LUZP2: variants seen among roughly 807,000 people sequenced by gnomAD.
LUZP2 encodes the protein leucine zipper protein 2.
LUZP2 carries 52 observed loss-of-function variants against 51.6 expected under a neutral mutation model. The observed-to-expected ratio is 1.01, with a 90% CI of 0.81 to 1.27. The LOEUF is 1.27. Ranked by LOEUF, LUZP2 falls within the 50% of genes most tolerant of loss-of-function variation. The pLI is 0.00. For synonymous variants in LUZP2, 154 were observed against 137.3 expected (o/e 1.12, Z -0.85); for missense variants, 436 against 395.4 (o/e 1.10, Z -0.87).
At chr11:24,645,715 T>G (rs543486700) in intron 1 of LUZP2, among the ~76,000 whole-genome samples, 1 of 152,240 alleles carries the variant, frequency 6.6e-6, no homozygotes, top group East Asian at 1.9e-4. Flanking sequence ...TTGTCCATTT[T>G]CAGTTTCAAT....
intron 1 of LUZP2, among the ~76,000 whole-genome samples, chr11:24,702,740 C>T (rs1857453946): frequency 6.6e-6 from 1 of 152,158 alleles, no homozygotes; most frequent in East Asian, 1.9e-4. Flanking sequence ...GACAACCATT[C>T]AAATCATATC....
At chr11:24,997,703 G>C (rs1003813425) in intron 9 of LUZP2, among the ~76,000 whole-genome samples, 1 of 152,060 alleles carries the variant, frequency 6.6e-6, no homozygotes, top group African/African-American at 2.4e-5. Context: ...CCATGCCTAT[G>C]TCCTGAATGG....
Position 25,080,483 on chromosome 11 carries a change from G to GC in LUZP2, c.*1825_*1826insC, listed in dbSNP as rs1859432531. On this transcript the variant is annotated 3_prime_UTR_variant, in exon 12 of 12. Transcript: ENST00000336930. ...TTTTTCATAAAACCGGCTACCCAAGGAAAAAAATAATTAGCTTTATGGATG... is the reference window on the plus strand; with the variant it reads ...TTTTTCATAAAACCGGCTACCCAAGGCAAAAAAATAATTAGCTTTATGGATG... The GC allele has an allele frequency of 6.6e-6, 1 of 151,758 alleles. No individual in the cohort carries two copies. Among genetic ancestry groups the GC allele is most frequent in the Non-Finnish European group, 1.5e-5 (1 of 67,942 alleles). The allele number at this position is 151,758 out of a possible 1,614,324, so 9.4% of individuals were successfully genotyped here. A position where few individuals can be genotyped will look rare whatever the true frequency, so the allele number is the denominator to read the frequency against.
At chr11:24,532,011 T>A (rs1168039158) in intron 1 of LUZP2, among the ~76,000 whole-genome samples, 1 of 151,098 alleles carries the variant, frequency 6.6e-6, no homozygotes, top group Non-Finnish European at 1.5e-5. Context: ...TGAAGAATTC[T>A]GTTTTTAATA....
At chr11:25,061,252 A>C (rs1858827431) in intron 10 of LUZP2, among the ~76,000 whole-genome samples, 1 of 152,118 alleles carries the variant, frequency 6.6e-6, no homozygotes, top group African/African-American at 2.4e-5. Flanking sequence ...ACACACAGAG[A>C]TTATGTAATT....
intron 9 of LUZP2, among the ~76,000 whole-genome samples, chr11:25,043,560 G>GGATATATGTATCCAGGATGTATGA (rs1554959946): frequency 6.7e-6 from 1 of 149,418 alleles, no homozygotes; most frequent in African/African-American, 2.4e-5. Flanking sequence ...AGCTCTGCAA[G>GGATATATGTATCCAGGATGTATGA]GATATATGTA....
At chr11:24,703,830 A>G (rs1362567860) in intron 1 of LUZP2, among the ~76,000 whole-genome samples, 1 of 141,858 alleles carries the variant, frequency 7.0e-6, no homozygotes, top group Non-Finnish European at 1.5e-5. Flanking sequence ...CCATCTCAAA[A>G]AACAAAAAAC....
At chr11:24,524,258 T>A (rs1031429501) in intron 1 of LUZP2, among the ~76,000 whole-genome samples, 2 of 151,836 alleles carry the variant, frequency 1.3e-5, no homozygotes, top group Non-Finnish European at 3.0e-5. Flanking sequence ...CAAGACATAA[T>A]CAACTGCTAG....
chr11:24,537,057 A>T (rs1411200276), intron 1 of LUZP2, among the ~76,000 whole-genome samples: 2 of 151,890 alleles, frequency 1.3e-5, no homozygotes, highest in Non-Finnish European at 2.9e-5. Flanking sequence ...TTTTGCATTC[A>T]GTCTTCCATG....
At chr11:25,025,105 G>A (rs533484021) in intron 9 of LUZP2, among the ~76,000 whole-genome samples, 35 of 152,276 alleles carry the variant, frequency 2.3e-4, no homozygotes, top group Admixed American at 3.9e-4. Context: ...GTAGAAAGGT[G>A]AAATTGGATC....
At chr11:24,753,788 A>C (rs1859676557) in intron 4 of LUZP2, among the ~76,000 whole-genome samples, 1 of 152,164 alleles carries the variant, frequency 6.6e-6, no homozygotes, top group African/African-American at 2.4e-5. Flanking sequence ...GATTAAGCCA[A>C]GGGACCCTGG....
intron 1 of LUZP2, among the ~76,000 whole-genome samples, chr11:24,675,711 A>C (rs939040165): frequency 5.4e-4 from 82 of 151,956 alleles, no homozygotes; most frequent in African/African-American, 1.7e-3. Context: ...TTCAAGAAAA[A>C]CCTGATTGGT....
intron 1 of LUZP2, among the ~76,000 whole-genome samples, chr11:24,553,270 A>G (rs1851772264): frequency 6.6e-6 from 1 of 152,026 alleles, no homozygotes; most frequent in African/African-American, 2.4e-5. Flanking sequence ...TGTTAGAGAA[A>G]GTAGCTTATA....
intron 9 of LUZP2, among the ~76,000 whole-genome samples, chr11:24,995,717 T>G (rs968627771): frequency 4.7e-4 from 71 of 152,202 alleles, no homozygotes; most frequent in African/African-American, 1.6e-3. Flanking sequence ...ATTTAATATG[T>G]ATTTTATCTC....
At chr11:24,805,193 G>A (rs924011515) in intron 5 of LUZP2, among the ~76,000 whole-genome samples, 3 of 152,006 alleles carry the variant, frequency 2.0e-5, no homozygotes, top group East Asian at 3.9e-4. Context: ...CATAGATGGC[G>A]GCAGGCAAAG....
intron 7 of LUZP2, among the ~76,000 whole-genome samples, chr11:24,936,279 A>G (rs546998101): frequency 6.6e-6 from 1 of 152,338 alleles, no homozygotes; most frequent in South Asian, 2.1e-4. Context: ...CAATTAAATC[A>G]TTATACTTGT....
At chr11:24,860,257 G>A (rs1380238857) in intron 5 of LUZP2, among the ~76,000 whole-genome samples, 2 of 152,158 alleles carry the variant, frequency 1.3e-5, no homozygotes, top group Non-Finnish European at 2.9e-5. Flanking sequence ...AGGAACTCGA[G>A]TAACCCCAGG....
At position 24,785,800 on chromosome 11, in the gene LUZP2, C is replaced by G. The variant is rs939180022; in HGVS notation, c.396+22492C>G. 6.6e-6 allele frequency: 6 copies of G among 915,564 alleles called. No homozygotes were observed. In the African/African-American group the frequency reaches 1.1e-4, roughly 16 times the overall value. 56.7% of individuals were successfully genotyped at this position (915,564 alleles called of 1,614,324 possible). ...GATGTCAGACAGCATTTAGCCCACA[C>G]TTCTCCTTTCACAGATGAAAAGTTC... On this transcript the variant is annotated intron_variant, in intron 5 of 11. Coordinates refer to ENST00000336930, the MANE Select transcript of LUZP2 (RefSeq NM_001009909.4).
chr11:25,041,073 G>C (rs1858039781), intron 9 of LUZP2, among the ~76,000 whole-genome samples: 2 of 151,974 alleles, frequency 1.3e-5, no homozygotes, highest in Admixed American at 6.6e-5. Flanking sequence ...CCTGTTGTCA[G>C]TTTTCTTAAT....
Sources: gnomAD v4.1 joint callset for allele counts (sites outside exome capture counted in the v4.1 genomes callset) on GRCh38, gnomAD v4.1.1 for gene constraint, MANE v1.5 for transcripts, NCBI Gene and HGNC (gene_info 2026-07-23, HGNC 2026-07-21) for gene names.